The following DYNC1I2 variants were observed in gnomAD, a reference collection of about 807,000 sequenced individuals.
The protein encoded by DYNC1I2 is dynein cytoplasmic 1 intermediate chain 2.
Under a neutral mutation model 88.6 loss-of-function variants are expected in DYNC1I2, and 53 were observed. The observed-to-expected ratio is 0.60, with a 90% CI of 0.48 to 0.75. The LOEUF is 0.75. Among genes scored for constraint, DYNC1I2 ranks in the 30% least tolerant of loss-of-function variants. The pLI, the probability that DYNC1I2 is intolerant of heterozygous loss-of-function variation, is 0.00. For synonymous variants in DYNC1I2, 198 were observed against 254.6 expected (o/e 0.78, Z 2.12); for missense variants, 458 against 766.6 (o/e 0.60, Z 4.75).
At chr2:171,708,323 G>C (rs1467821525) in intron 5 of DYNC1I2, among the ~76,000 whole-genome samples, 1 of 151,748 alleles carries the variant, frequency 6.6e-6, no homozygotes, top group Non-Finnish European at 1.5e-5. Context: ...ATATCTAAAA[G>C]ACAGGGCAAG....
chr2:171,704,146 G>T (rs1189881910), intron 3 of DYNC1I2, among the ~76,000 whole-genome samples: 1 of 152,112 alleles, frequency 6.6e-6, no homozygotes, highest in Non-Finnish European at 1.5e-5. Flanking sequence ...CAGGTCCTTT[G>T]TGGTCTAAAA....
intron 3 of DYNC1I2, among the ~76,000 whole-genome samples, chr2:171,698,190 G>A (rs1171949929): frequency 1.3e-5 from 2 of 152,138 alleles, no homozygotes; most frequent in East Asian, 3.8e-4. Flanking sequence ...AAGAGTTGCA[G>A]CATTGTTTTT....
At chr2:171,726,947 A>G in intron 11 of DYNC1I2, 31 bp downstream of exon 11, 1 of 1,532,630 alleles carries the variant, frequency 6.5e-7, no homozygotes, top group South Asian at 1.3e-5. Flanking sequence ...TCTTCGCCTC[A>G]AGTTTAAGAA....
chr2:171,737,196 T>C (rs1689068346), intron 15 of DYNC1I2, among the ~76,000 whole-genome samples: 1 of 152,224 alleles, frequency 6.6e-6, no homozygotes, highest in Non-Finnish European at 1.5e-5. Flanking sequence ...CCTCTGCCTC[T>C]GTCATCAGAT....
chr2:171,720,606 T>C (rs7597387), intron 7 of DYNC1I2, among the ~76,000 whole-genome samples: 45,982 of 151,962 alleles, frequency 0.3, 7,405 homozygotes, highest in African/African-American at 0.42. Flanking sequence ...TGTTGTCACA[T>C]ACTTGTAATC....
chr2:171,737,634 G>T (rs1689102733), intron 15 of DYNC1I2, among the ~76,000 whole-genome samples: 2 of 152,128 alleles, frequency 1.3e-5, no homozygotes, highest in Admixed American at 1.3e-4. Context: ...GGCCAGGCTG[G>T]TCTCAAACTC....
chr2:171,717,337 A>T (rs1038560600), intron 7 of DYNC1I2, among the ~76,000 whole-genome samples: 7 of 151,674 alleles, frequency 4.6e-5, no homozygotes, highest in Admixed American at 3.9e-4. Context: ...CTGGTCTCGA[A>T]CTCTTGACCT....
rs1489997404 is a variant in DYNC1I2, at chr2:171,744,157, T to C, written c.1645T>C (p.Leu549=). 2.5e-6 allele frequency: 4 copies of C among 1,612,022 alleles called. No homozygotes were observed. The highest frequency in any genetic ancestry group is 2.7e-5 in the African/African-American group (2 of 74,844). The change falls in exon 16 of 18, where the codon TTG becomes CTG. Residue 549 remains leucine, a synonymous_variant. Coordinates refer to ENST00000397119, the MANE Select transcript of DYNC1I2 (RefSeq NM_001378.3). The stretch of plus-strand genomic sequence containing the variant: ...TGCCTGTGTGGATGGCATGGGGAGA[T>C]TGGATTTGTGGAATCTCAATAATGA... ...LFACVDGMGR[L]DLWNLNNDTE...
At chr2:171,739,696 C>CTTTTTTTTTTTTTTTTTTT (rs201750115) in intron 15 of DYNC1I2, among the ~76,000 whole-genome samples, 1 of 65,038 alleles carries the variant, frequency 1.5e-5, no homozygotes, top group African/African-American at 5.7e-5. Flanking sequence ...TGACATATCT[C>CTTTTTTTTTTTTTTTTTTT]TTTTTTTTTT....
intron 6 of DYNC1I2, among the ~76,000 whole-genome samples, chr2:171,714,294 A>G (rs1247114752): frequency 1.4e-5 from 2 of 146,316 alleles, no homozygotes; most frequent in South Asian, 2.1e-4. Context: ...TAATTTTATT[A>G]TACTTTATAG....
intron 15 of DYNC1I2, among the ~76,000 whole-genome samples, chr2:171,737,151 G>A (rs1689064289): frequency 6.6e-6 from 1 of 152,160 alleles, no homozygotes; most frequent in East Asian, 1.9e-4. Context: ...AGCAATCCTT[G>A]CTGTTTCATT....
At chr2:171,712,722 T>G (rs761198037) in intron 5 of DYNC1I2, 45 bp from the exon 6 acceptor site, 3 of 1,429,842 alleles carry the variant, frequency 2.1e-6, no homozygotes, top group Non-Finnish European at 2.9e-6. Context: ...GACTAACTTA[T>G]GGCCTTTTTT....
At chr2:171,688,725 G>A (rs1165807473) in intron 1 of DYNC1I2, 2 of 152,146 alleles carry the variant, frequency 1.3e-5, no homozygotes, top group East Asian at 3.9e-4. Context: ...ATGGAGTTTA[G>A]TAGCTGAAAT....
rs376604647 is a variant in DYNC1I2, at chr2:171,717,716, C to T, written c.511+2273C>T. The stretch of plus-strand genomic sequence containing the variant: ...TATTATGTCTGCCTTTTAGGAGCTA[C>T]GTTAGTAGATATGTTAACTCAGAAA... On this transcript the variant is annotated intron_variant, in intron 7 of 17. Transcript: ENST00000397119. Among the ~76,000 whole-genome samples the T allele has an allele frequency of 1.5e-4, 23 of 152,034 alleles. No homozygotes were observed. The South Asian group carries it at 3.3e-3, about 22-fold the overall frequency.
Position 171,727,831 on chromosome 2 carries a change from T to C in DYNC1I2, c.1007T>C (p.Met336Thr), listed in dbSNP as rs569352170. 5.6e-6 allele frequency: 9 copies of C among 1,612,720 alleles called. No homozygotes were observed. The highest frequency in any genetic ancestry group is 7.6e-6 in the Non-Finnish European group (9 of 1,179,260). ...EYVFHCQSAV[M>T]SATFAKFHPN... is the part of the protein sequence containing the mutation. ...CTTACTTATTTGCAGTCAGCTGTGA[T>C]GTCTGCCACATTTGCAAAATTTCAT... Residue 336 changes from methionine to threonine, a missense_variant, in exon 12 of 18, where the codon ATG becomes ACG. Physicochemically the swap from Met to Thr is moderately conservative, Grantham distance 81. This residue lies in a region of DYNC1I2 where 203 missense variants were observed against 354.2 expected (regional missense o/e 0.57). Transcript: ENST00000397119.
At chr2:171,704,233 G>A (rs189035928) in intron 3 of DYNC1I2, among the ~76,000 whole-genome samples, 2 of 152,004 alleles carry the variant, frequency 1.3e-5, no homozygotes, top group African/African-American at 4.8e-5. Flanking sequence ...GGTCTAAGCT[G>A]GTAGGAAAGG....
intron 3 of DYNC1I2, among the ~76,000 whole-genome samples, chr2:171,705,983 C>G (rs559027482): frequency 6.6e-6 from 1 of 151,884 alleles, no homozygotes; most frequent in Admixed American, 6.6e-5. Context: ...TAAGGATGAT[C>G]AGTTTTATAC....
intron 8 of DYNC1I2, 60 bp from the exon 9 acceptor site, chr2:171,725,859 A>T: frequency 6.9e-7 from 1 of 1,440,708 alleles, no homozygotes; most frequent in Non-Finnish European, 9.4e-7. Context: ...ATACTGTGAT[A>T]GTGAGTTGAC....
chr2:171,726,321 T>C, intron 10 of DYNC1I2, 28 bp downstream of exon 10: 1 of 1,459,944 alleles, frequency 6.8e-7, no homozygotes, highest in Middle Eastern at 2.4e-4. Context: ...AGGCCGCTCT[T>C]AACTCATTTT....
Sources: gnomAD v4.1 joint callset for allele counts (sites outside exome capture counted in the v4.1 genomes callset) on GRCh38, gnomAD v4.1.1 for gene constraint, gnomAD v4.1.1 regional missense constraint, MANE v1.5 for transcripts, NCBI Gene and HGNC (gene_info 2026-07-23, HGNC 2026-07-21) for gene names.